AGMO: variants seen among roughly 807,000 people sequenced by gnomAD.
The protein encoded by AGMO is alkylglycerol monooxygenase.
AGMO carries 75 observed loss-of-function variants against 60.2 expected under a neutral mutation model. That is an observed-to-expected ratio of 1.25 (90% CI 1.03 to 1.51). AGMO has a LOEUF of 1.51. Ranked by LOEUF, AGMO falls within the 40% of genes most tolerant of loss-of-function variation. AGMO has a pLI of 0.00. For missense variants in AGMO, 763 were observed against 525.5 expected, an observed-to-expected ratio of 1.45 and a Z score of -4.42; for synonymous variants, 261 against 177.1, an observed-to-expected ratio of 1.47 and a Z score of -3.76.
intron 12 of AGMO, among the ~76,000 whole-genome samples, chr7:15,277,335 AAAT>A (rs1009399828): frequency 3.4e-5 from 5 of 147,668 alleles, no homozygotes; most frequent in East Asian, 3.9e-4. Flanking sequence ...ATAAATAAAT[AAAT>A]AAATAAATAA....
intron 12 of AGMO, among the ~76,000 whole-genome samples, chr7:15,309,043 G>T (rs1385036772): frequency 6.6e-6 from 1 of 152,068 alleles, no homozygotes; most frequent in Non-Finnish European, 1.5e-5. Flanking sequence ...CAGGCACTGG[G>T]CTGAAACCAT....
intron 5 of AGMO, among the ~76,000 whole-genome samples, chr7:15,395,443 A>G (rs1784333133): frequency 6.6e-6 from 1 of 151,600 alleles, no homozygotes; most frequent in Non-Finnish European, 1.5e-5. Context: ...TAGGCAAAAA[A>G]CAAAAATTTA....
chr7:15,266,033 A>G (rs1234303140), intron 12 of AGMO, among the ~76,000 whole-genome samples: 1 of 152,142 alleles, frequency 6.6e-6, no homozygotes, highest in African/African-American at 2.4e-5. Flanking sequence ...CCAGTTAGAA[A>G]AAGACAAATT....
intron 12 of AGMO, among the ~76,000 whole-genome samples, chr7:15,285,230 C>A (rs1364504234): frequency 6.6e-6 from 1 of 151,412 alleles, no homozygotes; most frequent in South Asian, 2.1e-4. Context: ...CTAGCTAGAA[C>A]AATCAGACAG....
At chr7:15,143,776 C>A in the AGMO span, among the ~76,000 whole-genome samples, 1 of 150,266 alleles carries the variant, frequency 6.7e-6, no homozygotes, top group African/African-American at 2.5e-5. Flanking sequence ...CTTAAAACTT[C>A]ATGTTTTCTT....
At chr7:15,519,110 G>T (rs983724866) in intron 3 of AGMO, among the ~76,000 whole-genome samples, 1 of 151,454 alleles carries the variant, frequency 6.6e-6, no homozygotes, top group African/African-American at 2.4e-5. Context: ...TGAAGACAAG[G>T]TTAAAGAAAA....
In AGMO at chr7:15,424,500, T is replaced by C. The variant is rs191582149; in HGVS notation, c.514-5847A>G. Among the ~76,000 whole-genome samples the C allele has an allele frequency of 1.4e-4, 22 of 152,300 alleles. No individual in the cohort carries two copies. The East Asian group carries it at 4.0e-3, about 28-fold the overall frequency. ...TAGAACTATAAATGACTATCAAATC[T>C]CTGTAAAGAAAAACACTGAAAATCA... On this transcript the variant is annotated intron_variant, in intron 4 of 12. Transcript: ENST00000342526.
intron 1 of AGMO, among the ~76,000 whole-genome samples, chr7:15,560,688 A>T (rs1785280473): frequency 6.6e-6 from 1 of 152,224 alleles, no homozygotes; most frequent in African/African-American, 2.4e-5. Flanking sequence ...TTTTCATATT[A>T]GACTTACCAG....
intron 3 of AGMO, among the ~76,000 whole-genome samples, chr7:15,466,274 C>T (rs1782285839): frequency 6.6e-6 from 1 of 152,060 alleles, no homozygotes; most frequent in Admixed American, 6.6e-5. Context: ...GTAAATTGTT[C>T]AAAACACAAA....
At chr7:15,559,741 A>G (rs1280321705) in intron 2 of AGMO, among the ~76,000 whole-genome samples, 1 of 152,112 alleles carries the variant, frequency 6.6e-6, no homozygotes, top group Non-Finnish European at 1.5e-5. Flanking sequence ...CCAGACACCA[A>G]TTAGCAAACT....
chr7:15,360,417 G>A (rs1452272122), intron 12 of AGMO, among the ~76,000 whole-genome samples: 6 of 152,252 alleles, frequency 3.9e-5, no homozygotes, highest in African/African-American at 1.2e-4. Flanking sequence ...AAACCTTAGT[G>A]GTAACATGAA....
chr7:15,221,126 CT>C (rs1781907599), intron 12 of AGMO, among the ~76,000 whole-genome samples: 2 of 152,088 alleles, frequency 1.3e-5, no homozygotes, highest in African/African-American at 4.8e-5. Flanking sequence ...ATCAGTATGC[CT>C]CCTTGGTAGT....
intron 12 of AGMO, among the ~76,000 whole-genome samples, chr7:15,343,533 T>C (rs1003289295): frequency 1.3e-5 from 2 of 152,180 alleles, no homozygotes; most frequent in Non-Finnish European, 2.9e-5. Context: ...AATATCTTAG[T>C]CTTTCAGGAC....
At chr7:15,151,763 A>T in the AGMO span, among the ~76,000 whole-genome samples, 17 of 152,260 alleles carry the variant, frequency 1.1e-4, no homozygotes, top group African/African-American at 4.1e-4. Flanking sequence ...GTGTGTGCAC[A>T]TGGGAAGAAT....
chr7:15,400,725 A>G (rs1276734332), intron 5 of AGMO, among the ~76,000 whole-genome samples: 2 of 152,178 alleles, frequency 1.3e-5, no homozygotes, highest in Non-Finnish European at 2.9e-5. Flanking sequence ...CAAAACAAAC[A>G]AACAAATAAA....
At chr7:15,407,247 A>G (rs568364892) in intron 5 of AGMO, among the ~76,000 whole-genome samples, 1 of 147,096 alleles carries the variant, frequency 6.8e-6, no homozygotes, top group Admixed American at 6.9e-5. Context: ...ATATATATAT[A>G]TATGTATATA....
rs528092723 is a variant in AGMO at position 15,477,388 on chromosome 7, C to T, written c.410-46280G>A. ...CAAATACTTGTTACATACACAGTCA[C>T]TCTGTCTTGGTATATGATCGTATCA... On this transcript the variant is annotated intron_variant, in intron 3 of 12. Coordinates refer to ENST00000342526, the MANE Select transcript of AGMO (RefSeq NM_001004320.2). Among the ~76,000 whole-genome samples the T allele has an allele frequency of 3.0e-4, 46 of 152,216 alleles. 3 individuals carry two copies. The South Asian group carries it at 9.5e-3, about 32-fold the overall frequency.
At chr7:15,486,034 C>T (rs781173000) in intron 3 of AGMO, among the ~76,000 whole-genome samples, 2 of 152,072 alleles carry the variant, frequency 1.3e-5, no homozygotes, top group African/African-American at 4.8e-5. Context: ...AGCTTCAGAA[C>T]GATTAGAATA....
chr7:15,426,755 ATT>A (rs146482241), intron 4 of AGMO, among the ~76,000 whole-genome samples: 1 of 150,920 alleles, frequency 6.6e-6, no homozygotes, highest in Non-Finnish European at 1.5e-5. Context: ...CAAAAAAAAA[ATT>A]TTTTTTTTGG....
Sources: allele counts gnomAD v4.1 joint callset (sites outside exome capture counted in the v4.1 genomes callset), GRCh38; gene constraint gnomAD v4.1.1; transcripts MANE v1.5; gene names NCBI Gene and HGNC (gene_info 2026-07-23, HGNC 2026-07-21).